Variants in MOGS observed in about 807,000 individuals in gnomAD.
MOGS encodes mannosyl-oligosaccharide glucosidase, also known as epididymis secretory sperm binding protein.
A neutral mutation model predicts 68.5 loss-of-function variants in MOGS; 45 were observed. The observed-to-expected ratio is 0.66, with a 90% CI of 0.52 to 0.84. The LOEUF (loss-of-function observed/expected upper bound fraction) is 0.84. Ranked by LOEUF, MOGS falls within the 40% of genes least tolerant of loss-of-function variation. The pLI is 0.00. For synonymous variants in MOGS, 492 were observed against 461.2 expected (o/e 1.07, Z -0.86); for missense variants, 1,020 against 1,095.0 (o/e 0.93, Z 0.97).
In MOGS at chr2:74,462,926, C is replaced by T. The variant is rs374993988; in HGVS notation, c.863G>A (p.Arg288Gln). 129 of 1,614,014 alleles carry T rather than the reference C, an allele frequency of 8.0e-5. No individual in the cohort carries two copies. Among genetic ancestry groups the T allele is most frequent in the Middle Eastern group, 1.6e-4 (1 of 6,084 alleles). ...KSRLNSWFQH[R>Q]PPGAPPERYL... ...GCGTTCAGGGGGGGCCCCTGGGGGC[C>T]GATGCTGAAACCAGCTATTTAGGCG... The change falls in exon 4 of 4, where the codon CGG (arginine) becomes CAG (glutamine). Residue 288 changes from arginine (R) to glutamine (Q), a missense_variant. This residue lies in a region of MOGS where 569 missense variants were observed against 571.9 expected (regional missense o/e 0.99). Coordinates refer to ENST00000448666, the MANE Select transcript of MOGS (RefSeq NM_006302.3).
chr2:74,461,123 G>T lies in MOGS; in HGVS notation c.*152C>A. 2.4e-6 allele frequency: 2 copies of T among 828,714 alleles called. No individual in the cohort carries two copies. Among genetic ancestry groups the T allele is most frequent in the Non-Finnish European group, 4.0e-6 (2 of 505,494 alleles). 51.3% of individuals were successfully genotyped at this position (828,714 alleles called of 1,614,324 possible). A position where few individuals can be genotyped will look rare whatever the true frequency, so the allele number is the denominator to read the frequency against. ...ACTCTGGATTCACATTCACCCCAGG[G>T]CTATGTGGGATGACAGCAAGGAGAC... On this transcript the variant is annotated 3_prime_UTR_variant, in exon 4 of 4. Coordinates refer to ENST00000448666, the MANE Select transcript of MOGS (RefSeq NM_006302.3).
rs372087810 is a variant in MOGS at position 74,462,631 on chromosome 2, G to T, written c.1158C>A (p.Gly386=). 4.4e-5 allele frequency: 71 copies of T among 1,614,190 alleles called. No individual in the cohort carries two copies. In the East Asian group the frequency reaches 1.5e-3, roughly 34 times the overall value. Reference sequence around the variant, plus strand: ...GGGCAGCCTGACCCAAAACCTGCTCGCCAGAGCTCAGGCCCTTCTCCTTCA... The same window carrying T: ...GGGCAGCCTGACCCAAAACCTGCTCTCCAGAGCTCAGGCCCTTCTCCTTCA... ...FQLKEKGLSS[G]EQVLGQAALS... The change falls in exon 4 of 4, where the codon GGC becomes GGA. Residue 386 remains glycine (G), a synonymous_variant. Coordinates refer to ENST00000448666, the MANE Select transcript of MOGS (RefSeq NM_006302.3).
rs1176117471 is a variant in MOGS, at chr2:74,464,568, G to C, written c.507C>G (p.Thr169=). 1.2e-6 allele frequency: 2 copies of C among 1,614,142 alleles called. No individual in the cohort carries two copies. The highest frequency in any genetic ancestry group is 2.2e-5 in the East Asian group (1 of 44,876). The change falls in exon 2 of 4, where the codon ACC becomes ACG. Residue 169 remains threonine (T), a synonymous_variant. Coordinates refer to ENST00000448666, the MANE Select transcript of MOGS (RefSeq NM_006302.3). ...CCCCAGGCCTCTTGACGAACTCAGT[G>C]GTGAGCCTTAAGGCCCCATCCTGGA... ...QHIQDGALRL[T]TEFVKRPGGQ...
Position 74,461,628 on chromosome 2 carries a change from G to A in MOGS, c.2161C>T (p.His721Tyr), listed in dbSNP as rs1336810467. 1 of 1,613,962 alleles carries A rather than the reference G, an allele frequency of 6.2e-7. No homozygotes were observed. Among genetic ancestry groups the A allele is most frequent in the African/African-American group, 1.3e-5 (1 of 74,940 alleles). The change falls in exon 4 of 4, where the codon CAT (histidine) becomes TAT (tyrosine). Residue 721 changes from histidine to tyrosine, a missense_variant. Transcript: ENST00000448666. ...CGTAAACCAAAGGGGCTCCAGAGAT[G>A]GCGGCTGTCGGCTAGAATGTCCAGC... ...PLLDILADSR[H>Y]LWSPFGLRSL...
At chr2:74,463,063 G>A in intron 3 of MOGS, 51 bp from the exon 4 acceptor site, 1 of 1,611,606 alleles carries the variant, frequency 6.2e-7, no homozygotes, top group Non-Finnish European at 8.5e-7. Flanking sequence ...AAGGCAGTGG[G>A]CATTATAAAG....
rs1672025496 is a variant in MOGS, at chr2:74,464,989, T to C, written c.259A>G (p.Ser87Gly). Reference protein sequence around the residue: ...APPVLPADSSSPAVAPDLFWG... With the variant: ...APPVLPADSSGPAVAPDLFWG... ...AAGAGGTCCGGGGCCACGGCGGGGCTGGAGGAGTCGGCAGGCAACACAGGA... is the reference window on the plus strand; with the variant it reads ...AAGAGGTCCGGGGCCACGGCGGGGCCGGAGGAGTCGGCAGGCAACACAGGA... Residue 87 changes from serine to glycine, a missense_variant, in exon 1 of 4, where the codon AGC (serine) becomes GGC (glycine). Physicochemically the swap from Ser to Gly is moderately conservative, Grantham distance 56. Coordinates refer to ENST00000448666, the MANE Select transcript of MOGS (RefSeq NM_006302.3). 1 of 1,560,830 alleles carries C rather than the reference T, an allele frequency of 6.4e-7. No individual in the cohort carries two copies. The highest frequency in any genetic ancestry group is 1.2e-5 in the South Asian group (1 of 85,064).
chr2:74,462,099 C>A lies in MOGS; in HGVS notation c.1690G>T (p.Gly564Ter). ...AAGGTTGGTAAGGCAGGGTCCCGTC[C>A]CCGCCAGCGGTAAGATAGTGGCAGT... Reference protein sequence around the residue: ...GPLPLSYRWRGRDPALPTLLN... With the variant: ...GPLPLSYRWR Residue 564 changes from glycine (G) to a stop codon, truncating the protein, a stop_gained, in exon 4 of 4, where the codon GGA (glycine) becomes TGA (stop). Transcript: ENST00000448666. LOFTEE classifies it high-confidence loss of function. The A allele has an allele frequency of 6.2e-7, 1 of 1,614,122 alleles. No individual in the cohort carries two copies. Among genetic ancestry groups the A allele is most frequent in the South Asian group, 1.1e-5 (1 of 91,086 alleles).
In MOGS at chr2:74,461,488, G is replaced by A. The variant is rs201789727; in HGVS notation, c.2301C>T (p.His767=). 3 of 1,613,994 alleles carry A rather than the reference G, an allele frequency of 1.9e-6. No individual in the cohort carries two copies. The highest frequency in any genetic ancestry group is 1.3e-5 in the African/African-American group (1 of 74,952). The change falls in exon 4 of 4, where the codon CAC becomes CAT. Residue 767 remains histidine, a synonymous_variant. Transcript: ENST00000448666. ...NVNYLALGAL[H]HYGHLEGPHQ... The stretch of plus-strand genomic sequence containing the variant: ...GAGGACCCTCCAGATGCCCATAGTG[G>A]TGGAGTGCTCCCAAAGCCAGGTAGT...
rs1375853729 is a variant in MOGS at position 74,461,329 on chromosome 2, G to A, written c.2460C>T (p.Arg820=). Residue 820 remains arginine, a synonymous_variant, in exon 4 of 4, where the codon CGC becomes CGT. Transcript: ENST00000448666. Reference sequence around the variant, plus strand: ...CAAGGCTGGTCCAGCCGTGGAAAGGGCGGCAGCCCATGCCTCGCCCATCGC... The same window carrying A: ...CAAGGCTGGTCCAGCCGTGGAAAGGACGGCAGCCCATGCCTCGCCCATCGC... The part of the protein sequence containing the change: ...SDRDGRGMGC[R]PFHGWTSLVL... 3.1e-6 allele frequency: 5 copies of A among 1,614,150 alleles called. No homozygotes were observed. Among genetic ancestry groups the A allele is most frequent in the Non-Finnish European group, 4.2e-6 (5 of 1,180,046 alleles).
intron 1 of MOGS, 86 bp downstream of exon 1, chr2:74,464,809 TC>T (rs1672019040): frequency 6.4e-7 from 1 of 1,557,484 alleles, no homozygotes; most frequent in Admixed American, 1.8e-5. Context: ...ACTCTCCTGA[TC>T]CATTCCTTCC....
intron 2 of MOGS, among the ~76,000 whole-genome samples, chr2:74,464,061 G>A (rs1672002393): frequency 6.6e-6 from 1 of 151,070 alleles, no homozygotes; most frequent in African/African-American, 2.4e-5. Context: ...CCTGGTTCAA[G>A]CAATTCTCCT....
At position 74,462,544 on chromosome 2, in the gene MOGS, G is replaced by A. The variant is rs34838944; in HGVS notation, c.1245C>T (p.Ile415=). ...CCTTCTGCTCAGACCCTTCCACCCC[G>A]ATGTCTGGCAATACCAGCCCTTGTC... The part of the protein sequence containing the change: ...FYGQGLVLPD[I]GVEGSEQKVD... The change falls in exon 4 of 4, where the codon ATC becomes ATT. Residue 415 remains isoleucine (I), a synonymous_variant. Coordinates refer to ENST00000448666, the MANE Select transcript of MOGS (RefSeq NM_006302.3). The A allele has an allele frequency of 2.0e-5, 32 of 1,610,242 alleles. 1 individual carries two copies. The highest frequency in any genetic ancestry group is 5.0e-5 in the Admixed American group (3 of 59,776).
In MOGS at chr2:74,461,271, C is replaced by G; in HGVS notation, c.*4G>C. The G allele has an allele frequency of 6.2e-7, 1 of 1,614,002 alleles. No individual in the cohort carries two copies. The highest frequency in any genetic ancestry group is 8.5e-7 in the Non-Finnish European group (1 of 1,180,042). ...GTGTCTTGGCTCCCCTCCTCTCCCT[C>G]CCTTCAGTAGTCTTCAGCCATGGCC... On this transcript the variant is annotated 3_prime_UTR_variant, in exon 4 of 4. Transcript: ENST00000448666.
Position 74,465,148 on chromosome 2 carries a change from C to T in MOGS, c.100G>A (p.Gly34Ser), listed in dbSNP as rs1672033180. The part of the protein sequence containing the change: ...RGGPGRRDGR[G>S]GGPRSTAGGV... ...CCAGCCGTGCTACGCGGCCCGCCGC[C>T]CCGGCCGTCCCGTCGCCCGGGGCCT... The change falls in exon 1 of 4, where the codon GGC becomes AGC. Residue 34 changes from glycine to serine, a missense_variant. By Grantham distance (56) the Gly-to-Ser change is moderately conservative. Transcript: ENST00000448666. The T allele has an allele frequency of 1.3e-6, 2 of 1,530,982 alleles. No homozygotes were observed. The highest frequency in any genetic ancestry group is 1.7e-6 in the Non-Finnish European group (2 of 1,144,726). The allele number at this position is 1,530,982 out of a possible 1,614,324, so 94.8% of individuals were successfully genotyped here.
intron 2 of MOGS, 194 bp from the exon 3 acceptor site, chr2:74,463,580 C>T: frequency 1.6e-6 from 1 of 615,184 alleles, no homozygotes; most frequent in Non-Finnish European, 2.9e-6. Context: ...GAGCCTTGCA[C>T]TGGGTGCCCT....
chr2:74,462,057 G>C lies in MOGS; in HGVS notation c.1732C>G (p.Leu578Val). 1 of 1,614,212 alleles carries C rather than the reference G, an allele frequency of 6.2e-7. No individual in the cohort carries two copies. The highest frequency in any genetic ancestry group is 8.5e-7 in the Non-Finnish European group (1 of 1,180,014). Reference protein sequence around the residue: ...ALPTLLNPKTLPSGLDDYPRA... With the variant: ...ALPTLLNPKTVPSGLDDYPRA... ...GGGTAGTCATCCAGCCCAGAGGGTA[G>C]GGTCTTGGGGTTCAGTAAGGTTGGT... is the stretch of plus-strand genomic sequence containing the variant. Residue 578 changes from leucine (L) to valine (V), a missense_variant, in exon 4 of 4, where the codon CTA (leucine) becomes GTA (valine). Physicochemically the swap from Leu to Val is conservative, Grantham distance 32. This residue lies in a region of MOGS where 181 missense variants were observed against 261.8 expected (regional missense o/e 0.69). Coordinates refer to ENST00000448666, the MANE Select transcript of MOGS (RefSeq NM_006302.3).
chr2:74,463,096 T>C, intron 3 of MOGS, 84 bp from the exon 4 acceptor site: 1 of 1,609,616 alleles, frequency 6.2e-7, no homozygotes, highest in South Asian at 1.1e-5. Context: ...TGTTCAGGAG[T>C]CAGGTTGGGA....
intron 2 of MOGS, among the ~76,000 whole-genome samples, chr2:74,463,969 T>TAATTCTTACAG (rs1672000196): frequency 6.7e-6 from 1 of 148,326 alleles, no homozygotes; most frequent in African/African-American, 2.5e-5. Context: ...GGCTTTTTTT[T>TAATTCTTACAG]TTTTCTTGAG....
In MOGS at chr2:74,462,679, C is replaced by T; in HGVS notation, c.1110G>A (p.Glu370=). 1 of 1,614,268 alleles carries T rather than the reference C, an allele frequency of 6.2e-7. No homozygotes were observed. Among genetic ancestry groups the T allele is most frequent in the South Asian group, 1.1e-5 (1 of 91,082 alleles). Residue 370 remains glutamate, a synonymous_variant, in exon 4 of 4, where the codon GAG becomes GAA. Coordinates refer to ENST00000448666, the MANE Select transcript of MOGS (RefSeq NM_006302.3). Reference sequence around the variant, plus strand: ...TCAGCTGGAAGGTCTTCTCAAAGCGCTCTCTAAAGCCTTCAGCATGGCTCT... The same window carrying T: ...TCAGCTGGAAGGTCTTCTCAAAGCGTTCTCTAAAGCCTTCAGCATGGCTCT... ...ALESHAEGFR[E]RFEKTFQLKE... is the part of the protein sequence containing the mutation.
Sources: allele counts gnomAD v4.1 joint callset (sites outside exome capture counted in the v4.1 genomes callset), GRCh38; gene constraint gnomAD v4.1.1; regional missense constraint gnomAD v4.1.1; transcripts MANE v1.5; gene names NCBI Gene and HGNC (gene_info 2026-07-23, HGNC 2026-07-21).